The following TENM2 variants were observed in gnomAD, a reference collection of about 807,000 sequenced individuals.
The protein encoded by TENM2 is teneurin transmembrane protein 2.
Under a neutral mutation model 245.2 loss-of-function variants are expected in TENM2, and 52 were observed. The ratio of observed to expected loss-of-function variants is 0.21; its 90% CI spans 0.17 to 0.27. TENM2 has a LOEUF of 0.27. Ranked by LOEUF, TENM2 falls within the 10% of genes least tolerant of loss-of-function variation. The pLI is 1.00. For missense variants in TENM2, 3,046 were observed against 3,666.8 expected, an observed-to-expected ratio of 0.83 and a Z score of 4.37; for synonymous variants, 1,363 against 1,438.9, an observed-to-expected ratio of 0.95 and a Z score of 1.19.
intron 2 of TENM2, among the ~76,000 whole-genome samples, chr5:167,862,524 C>T (rs748288436): frequency 1.3e-5 from 2 of 152,206 alleles, no homozygotes; most frequent in African/African-American, 2.4e-5. Flanking sequence ...GATTATCACT[C>T]TCCCAGTGTA....
At chr5:167,944,831 A>G (rs1213503886) in intron 3 of TENM2, among the ~76,000 whole-genome samples, 1 of 152,228 alleles carries the variant, frequency 6.6e-6, no homozygotes, top group East Asian at 1.9e-4. Flanking sequence ...ATTGTATGAT[A>G]TCTCAGTAAA....
At chr5:167,821,084 G>A (rs1444612476) in intron 2 of TENM2, 1 of 152,210 alleles carries the variant, frequency 6.6e-6, no homozygotes, top group Non-Finnish European at 1.5e-5. Flanking sequence ...AGGATCTTCA[G>A]GGACAGGCTC....
intron 2 of TENM2, among the ~76,000 whole-genome samples, chr5:167,833,216 ATATTT>A (rs1484526097): frequency 6.6e-6 from 1 of 152,166 alleles, no homozygotes; most frequent in Non-Finnish European, 1.5e-5. Flanking sequence ...TTATAATGAA[ATATTT>A]TATTTTATTA....
chr5:167,054,938 C>T, the TENM2 span, among the ~76,000 whole-genome samples: 3 of 151,976 alleles, frequency 2.0e-5, no homozygotes, highest in Admixed American at 1.3e-4. Flanking sequence ...GTCCTTTATC[C>T]TATCTGTCTT....
At chr5:168,203,514 T>A (rs1762097196) in intron 17 of TENM2, among the ~76,000 whole-genome samples, 175 bp from the exon 20 acceptor site, 1 of 152,212 alleles carries the variant, frequency 6.6e-6, no homozygotes, top group Non-Finnish European at 1.5e-5. Flanking sequence ...AAATCTGAAT[T>A]TAATATTGTA....
intron 3 of TENM2, among the ~76,000 whole-genome samples, chr5:167,892,293 T>G (rs564503929): frequency 2.0e-5 from 3 of 152,348 alleles, no homozygotes; most frequent in African/African-American, 7.2e-5. Flanking sequence ...TATAAATACA[T>G]GGAAGATATG....
the TENM2 span, among the ~76,000 whole-genome samples, chr5:167,066,407 T>C: frequency 1.3e-5 from 2 of 152,006 alleles, no homozygotes; most frequent in Non-Finnish European, 2.9e-5. Context: ...ATACTGTAAG[T>C]TTTAGGGTAC....
intron 3 of TENM2, among the ~76,000 whole-genome samples, chr5:167,951,814 A>C (rs1327550089): frequency 1.3e-5 from 2 of 152,246 alleles, no homozygotes; most frequent in Non-Finnish European, 2.9e-5. Context: ...TTACACATAT[A>C]CACATATATA....
intron 15 of TENM2, among the ~76,000 whole-genome samples, chr5:168,195,894 C>T (rs1445198169): frequency 6.6e-6 from 1 of 152,034 alleles, no homozygotes; most frequent in Non-Finnish European, 1.5e-5. Context: ...GAAACGTGTA[C>T]CCGTTCAGCC....
chr5:168,125,973 C>A (rs969113202), intron 11 of TENM2, among the ~76,000 whole-genome samples: 11 of 152,214 alleles, frequency 7.2e-5, no homozygotes, highest in Non-Finnish European at 1.2e-4. Flanking sequence ...CTTCACCTGG[C>A]ATGCCAAGCC....
chr5:167,145,808 T>C, the TENM2 span, among the ~76,000 whole-genome samples: 7 of 152,216 alleles, frequency 4.6e-5, no homozygotes, highest in Non-Finnish European at 8.8e-5. Flanking sequence ...TTGAATTTGA[T>C]TTGTCCATCT....
chr5:167,927,592 A>G (rs927320802), intron 3 of TENM2, among the ~76,000 whole-genome samples: 1 of 152,168 alleles, frequency 6.6e-6, no homozygotes, highest in Non-Finnish European at 1.5e-5. Context: ...ATAGGGAGGG[A>G]GGGCAGGATG....
At chr5:168,134,427 T>C (rs1754862555) in intron 12 of TENM2, among the ~76,000 whole-genome samples, 1 of 152,146 alleles carries the variant, frequency 6.6e-6, no homozygotes, top group Admixed American at 6.5e-5. Context: ...GGCTCATGCC[T>C]GTAATCCCAG....
In TENM2 at chr5:168,155,892, T is replaced by TAAAAAAAA. The variant is rs55977607; in HGVS notation, c.2423-6694_2423-6687dup. 6.8e-4 allele frequency among the ~76,000 whole-genome samples: 66 copies of TAAAAAAAA among 96,926 alleles called. 1 individual carries two copies. The highest frequency in any genetic ancestry group is 2.3e-3 in the African/African-American group (63 of 27,626). 63.6% of individuals were successfully genotyped at this position (96,926 alleles called of 152,430 possible). On this transcript the variant is annotated intron_variant, in intron 12 of 28. Transcript: ENST00000518659. ...TTCCATTTAATACCTCTGGCATCTG[T>TAAAAAAAA]AAAAAAAAAAAAAAAAAAAAAAAAA... is the stretch of plus-strand genomic sequence containing the variant.
At chr5:167,164,386 T>G in the TENM2 span, among the ~76,000 whole-genome samples, 1 of 152,246 alleles carries the variant, frequency 6.6e-6, no homozygotes, top group Non-Finnish European at 1.5e-5. Context: ...CATGCAGCCA[T>G]GTATGGAATT....
chr5:167,625,930 C>T (rs781102536), intron 2 of TENM2, among the ~76,000 whole-genome samples: 2 of 152,106 alleles, frequency 1.3e-5, no homozygotes, highest in African/African-American at 4.8e-5. Flanking sequence ...TTTGAATGTC[C>T]TTATGACATA....
intron 27 of TENM2, among the ~76,000 whole-genome samples, chr5:168,249,116 C>A (rs1166389775): frequency 7.3e-6 from 1 of 137,274 alleles, no homozygotes; most frequent in Admixed American, 7.7e-5. Context: ...AGAGCAAGAC[C>A]CTGTCTCAAA....
chr5:168,164,729 G>A (rs1758065950), intron 13 of TENM2, among the ~76,000 whole-genome samples: 1 of 152,122 alleles, frequency 6.6e-6, no homozygotes, highest in Non-Finnish European at 1.5e-5. Context: ...TTCAGTACAG[G>A]TATGTTATCC....
the TENM2 span, among the ~76,000 whole-genome samples, chr5:167,092,568 T>C: frequency 6.6e-6 from 1 of 152,224 alleles, no homozygotes; most frequent in Non-Finnish European, 1.5e-5. Context: ...ACATGTTTTA[T>C]GTGGATCATC....
Sources: gnomAD v4.1 joint callset for allele counts (sites outside exome capture counted in the v4.1 genomes callset) on GRCh38, gnomAD v4.1.1 for gene constraint, MANE v1.5 for transcripts, NCBI Gene and HGNC (gene_info 2026-07-23, HGNC 2026-07-21) for gene names.